The following DNAH17 variants were observed in gnomAD, a reference collection of about 807,000 sequenced individuals.
DNAH17 encodes the protein axonemal beta dynein heavy chain 17.
Under a neutral mutation model 485.6 loss-of-function variants are expected in DNAH17, and 376 were observed. The observed-to-expected ratio is 0.77, with a 90% CI of 0.71 to 0.84. The LOEUF (loss-of-function observed/expected upper bound fraction) is 0.84. Among genes scored for constraint, DNAH17 ranks in the 40% least tolerant of loss-of-function variants. The probability of loss-of-function intolerance (pLI) is 0.00; values close to 1 mark genes in which losing one functional copy is unlikely to be tolerated. For missense variants in DNAH17, 6,370 were observed against 5,839.3 expected, an observed-to-expected ratio of 1.09 and a Z score of -2.96; for synonymous variants, 3,031 against 2,405.9, an observed-to-expected ratio of 1.26 and a Z score of -7.60.
At chr17:78,463,499 C>G (rs545636184) in intron 56 of DNAH17, among the ~76,000 whole-genome samples, 1 of 152,008 alleles carries the variant, frequency 6.6e-6, no homozygotes, top group Non-Finnish European at 1.5e-5. Context: ...TATATATACA[C>G]GTGCATATGC....
Position 78,491,468 on chromosome 17 carries a change from A to C in DNAH17, c.6644T>G (p.Leu2215Arg). 1 of 1,613,036 alleles carries C rather than the reference A, an allele frequency of 6.2e-7. No individual in the cohort carries two copies. Among genetic ancestry groups the C allele is most frequent in the Non-Finnish European group, 8.5e-7 (1 of 1,179,574 alleles). ...CTTGTTGTCATCCATGACTGTGTTG[A>C]GAGACTCGATCCACATGGGGTCTAT... is the stretch of plus-strand genomic sequence containing the variant. ...GDIDPMWIES[L>R]NTVMDDNKVL... The change falls in exon 43 of 81, where the codon CTC becomes CGC. Residue 2215 changes from leucine to arginine, a missense_variant. Leu to Arg is a moderately radical substitution (Grantham distance 102). Transcript: ENST00000389840.
At chr17:78,510,633 G>T in intron 26 of DNAH17, 127 bp from the exon 27 acceptor site, 1 of 1,295,918 alleles carries the variant, frequency 7.7e-7, no homozygotes, top group Non-Finnish European at 1.1e-6. Context: ...GGAGGGAGGC[G>T]AGCTCTGCTC....
intron 44 of DNAH17, 21 bp from the exon 45 acceptor site, chr17:78,486,527 C>G: frequency 6.3e-7 from 1 of 1,582,578 alleles, no homozygotes; most frequent in South Asian, 1.1e-5. Flanking sequence ...CAGGAGGCGC[C>G]GATGACACAG....
At chr17:78,478,339 TCA>T (rs2089184353) in intron 51 of DNAH17, among the ~76,000 whole-genome samples, 5 of 135,792 alleles carry the variant, frequency 3.7e-5, no homozygotes, top group East Asian at 2.4e-4. Flanking sequence ...ATTATCACCA[TCA>T]CATCACCCAC....
At chr17:78,510,755 C>CCCCG (rs2090615594) in intron 26 of DNAH17, 4 of 379,224 alleles carry the variant, frequency 1.1e-5, no homozygotes, top group Admixed American at 3.9e-5. Flanking sequence ...ATTGCGGCCC[C>CCCCG]CCCGCAAAAT....
intron 58 of DNAH17, 116 bp from the exon 59 acceptor site, chr17:78,460,373 AGTGTAT>A: frequency 4.0e-6 from 1 of 251,062 alleles, no homozygotes; most frequent in Non-Finnish European, 6.9e-6. Flanking sequence ...CACGTGCATG[AGTGTAT>A]GTGTGCATAT....
intron 31 of DNAH17, among the ~76,000 whole-genome samples, chr17:78,504,927 A>T (rs1184410124): frequency 1.1e-5 from 1 of 94,704 alleles, no homozygotes; most frequent in African/African-American, 4.3e-5. Context: ...TTTTTTTGAG[A>T]CGGAGTCTCA....
chr17:78,550,127 G>T (rs1259199774), intron 16 of DNAH17, among the ~76,000 whole-genome samples: 1 of 152,230 alleles, frequency 6.6e-6, no homozygotes, highest in Non-Finnish European at 1.5e-5. Context: ...GGGGAGGCGT[G>T]GGGAGGAGGA....
chr17:78,530,113 G>C (rs1356019641), intron 21 of DNAH17, among the ~76,000 whole-genome samples: 1 of 152,222 alleles, frequency 6.6e-6, no homozygotes, highest in Non-Finnish European at 1.5e-5. Flanking sequence ...CTGGCACCCG[G>C]ACAGAGCAGG....
intron 56 of DNAH17, among the ~76,000 whole-genome samples, chr17:78,463,442 AT>A (rs1269618159): frequency 1.3e-5 from 2 of 151,790 alleles, no homozygotes; most frequent in African/African-American, 4.9e-5. Flanking sequence ...GTGCATACGC[AT>A]TCACATACCT....
Position 78,479,509 on chromosome 17 carries a change from T to G in DNAH17, c.7876A>C (p.Ser2626Arg). The change falls in exon 50 of 81, where the codon AGC becomes CGC. Residue 2626 changes from serine (S) to arginine (R), a missense_variant. By Grantham distance (110) the Ser-to-Arg change is moderately radical. Coordinates refer to ENST00000389840, the MANE Select transcript of DNAH17 (RefSeq NM_173628.4). ...SVSMAIQRIS[S>R]QLVAAALALH... The stretch of plus-strand genomic sequence containing the variant: ...CCCAGGGCCGCGGCCACCAGCTGGC[T>G]GCTTATCCTCTGGATAGCCATGGAG... The G allele has an allele frequency of 6.2e-7, 1 of 1,612,706 alleles. No individual in the cohort carries two copies. The highest frequency in any genetic ancestry group is 8.5e-7 in the Non-Finnish European group (1 of 1,179,578).
chr17:78,428,727 G>A lies in DNAH17; in HGVS notation c.12406-20C>T. 1.2e-6 allele frequency: 2 copies of A among 1,612,674 alleles called. No homozygotes were observed. The highest frequency in any genetic ancestry group is 1.7e-6 in the Non-Finnish European group (2 of 1,178,918). On this transcript the variant is annotated intron_variant, in intron 76 of 80. Coordinates refer to ENST00000389840, the MANE Select transcript of DNAH17 (RefSeq NM_173628.4). Reference sequence around the variant, plus strand: ...GTAACCCTGAAAAAGAGGGCAGTTTGTAAGCAGAGGCAAAGCTGTGCAGGC... The same window carrying A: ...GTAACCCTGAAAAAGAGGGCAGTTTATAAGCAGAGGCAAAGCTGTGCAGGC...
chr17:78,536,903 C>T (rs750993226), intron 19 of DNAH17, among the ~76,000 whole-genome samples: 1 of 151,760 alleles, frequency 6.6e-6, no homozygotes, highest in African/African-American at 2.4e-5. Flanking sequence ...GGGCCGGGCG[C>T]GGTGGCTCAC....
chr17:78,475,507 A>G, intron 53 of DNAH17, 38 bp from the exon 54 acceptor site: 2 of 1,612,316 alleles, frequency 1.2e-6, no homozygotes, highest in Non-Finnish European at 1.7e-6. Context: ...ATCTTGTAGC[A>G]CCTGGAATCA....
At chr17:78,469,334 G>A (rs1311993907) in intron 54 of DNAH17, among the ~76,000 whole-genome samples, 1 of 152,136 alleles carries the variant, frequency 6.6e-6, no homozygotes, top group African/African-American at 2.4e-5. Flanking sequence ...GTAGAGACAG[G>A]GTTTCACTAT....
chr17:78,503,808 A>G (rs536503688), intron 31 of DNAH17, among the ~76,000 whole-genome samples: 2 of 152,142 alleles, frequency 1.3e-5, no homozygotes, highest in Admixed American at 6.5e-5. Context: ...TCTACTAAAA[A>G]TACAAAAATT....
rs1054558685 is a variant in DNAH17 at position 78,539,781 on chromosome 17, T to A, written c.2632A>T (p.Ile878Phe). ...ATTAGGAAACTCAGAGATTTGCGAA[T>A]GAACTGGTCAAATTCATCTAAGACC... is the stretch of plus-strand genomic sequence containing the variant. Reference protein sequence around the residue: ...DMVLDEFDQFIRKSLSFLMDN... With the variant: ...DMVLDEFDQFFRKSLSFLMDN... The change falls in exon 18 of 81, where the codon ATT becomes TTT. Residue 878 changes from isoleucine to phenylalanine, a missense_variant. By Grantham distance (21) the Ile-to-Phe change is conservative. Transcript: ENST00000389840. The A allele has an allele frequency of 1.9e-6, 3 of 1,611,854 alleles. No homozygotes were observed. The highest frequency in any genetic ancestry group is 2.5e-6 in the Non-Finnish European group (3 of 1,179,580).
intron 64 of DNAH17, 51 bp downstream of exon 64, chr17:78,454,419 G>C (rs1410814594): frequency 1.4e-6 from 2 of 1,469,090 alleles, no homozygotes; most frequent in African/African-American, 1.4e-5. Flanking sequence ...TGCCTAAGGC[G>C]TGCTTCCAAG....
At chr17:78,457,200 G>A (rs1326243372) in intron 62 of DNAH17, among the ~76,000 whole-genome samples, 1 of 152,170 alleles carries the variant, frequency 6.6e-6, no homozygotes, top group East Asian at 1.9e-4. Flanking sequence ...GTGAAACCCT[G>A]TCTCTACTAA....
Sources: gnomAD v4.1 joint callset for allele counts (sites outside exome capture counted in the v4.1 genomes callset) on GRCh38, gnomAD v4.1.1 for gene constraint, MANE v1.5 for transcripts, NCBI Gene and HGNC (gene_info 2026-07-23, HGNC 2026-07-21) for gene names.